Variants in WWP2 observed in about 807,000 individuals in gnomAD.
WWP2 encodes WW domain containing E3 ubiquitin protein ligase 2, also known as NEDD4-like E3 ubiquitin-protein ligase WWP2.
In WWP2, 57 loss-of-function variants were observed where a neutral mutation model predicts 121.0. The observed-to-expected ratio is 0.47, with a 90% CI of 0.38 to 0.59. The LOEUF is 0.59. WWP2 is among the 20% of genes least tolerant of loss of function. The pLI is 0.00. For synonymous variants in WWP2, 449 were observed against 441.3 expected (o/e 1.02, Z -0.22); for missense variants, 962 against 1,158.9 (o/e 0.83, Z 2.47).
intron 6 of WWP2, among the ~76,000 whole-genome samples, chr16:69,868,872 G>A (rs1004531005): frequency 3.3e-5 from 5 of 152,104 alleles, no homozygotes; most frequent in African/African-American, 4.8e-5. Flanking sequence ...CTTTGACTGA[G>A]GTGTGGTTGA....
chr16:69,826,780 C>CA (rs977160252), intron 4 of WWP2, among the ~76,000 whole-genome samples: 10 of 146,434 alleles, frequency 6.8e-5, no homozygotes, highest in African/African-American at 1.8e-4. Flanking sequence ...AATAAAAATA[C>CA]AAAAAAAAAT....
intron 6 of WWP2, among the ~76,000 whole-genome samples, chr16:69,851,955 C>A (rs2057222474): frequency 6.7e-6 from 1 of 149,068 alleles, no homozygotes; most frequent in African/African-American, 2.5e-5. Context: ...TGCACTCCAG[C>A]CTGGCGACAG....
rs1303152564 is a variant in WWP2 at position 69,936,387 on chromosome 16, C to T, written c.2052C>T (p.Thr684=). Residue 684 remains threonine, a synonymous_variant, in exon 19 of 24, where the codon ACC becomes ACT. Coordinates refer to ENST00000359154, the MANE Select transcript of WWP2 (RefSeq NM_001270454.2). ...QDMEILGKVT[T]HELKEGGESI... is the part of the protein sequence containing the mutation. ...TGGAGATACTGGGCAAGGTGACGAC[C>T]CACGAGCTGAAGGAGGGCGGCGAGA... is the stretch of plus-strand genomic sequence containing the variant. 2.5e-6 allele frequency: 4 copies of T among 1,614,016 alleles called. No individual in the cohort carries two copies. Among genetic ancestry groups the T allele is most frequent in the Non-Finnish European group, 3.4e-6 (4 of 1,180,024 alleles).
In WWP2 at chr16:69,896,410, C is replaced by T. The variant is rs1046480320; in HGVS notation, c.914+8161C>T. On this transcript the variant is annotated intron_variant, in intron 8 of 23. Coordinates refer to ENST00000359154, the MANE Select transcript of WWP2 (RefSeq NM_001270454.2). ...TGCTGGGGTTACAGGTGTGAACCAC[C>T]GTGCCCATCCTTACTGCAATTTCTT... is the stretch of plus-strand genomic sequence containing the variant. Among the ~76,000 whole-genome samples, 13 of 152,028 alleles carry T rather than the reference C, an allele frequency of 8.6e-5. No homozygotes were observed. In the East Asian group the frequency reaches 2.5e-3, roughly 29 times the overall value.
rs75943235 is a variant in WWP2 at position 69,941,318 on chromosome 16, C to T, written c.*1378C>T. On this transcript the variant is annotated 3_prime_UTR_variant, in exon 24 of 24. Transcript: ENST00000359154. The stretch of plus-strand genomic sequence containing the variant: ...AGGATTCTAGGACCCCCAGGCAGCC[C>T]CTTGGACTGGTCCCGGGTGCCTTCC... 1,270 of 153,900 alleles carry T rather than the reference C, an allele frequency of 8.3e-3. 25 individuals are homozygous for T. The highest frequency in any genetic ancestry group is 0.029 in the African/African-American group (1,199 of 41,584). The allele number at this position is 153,900 out of a possible 1,614,324, so 9.5% of individuals were successfully genotyped here.
intron 2 of WWP2, among the ~76,000 whole-genome samples, chr16:69,791,503 C>T (rs1597671877): frequency 6.6e-6 from 1 of 152,024 alleles, no homozygotes; most frequent in Admixed American, 6.6e-5. Context: ...GCTGGGATTA[C>T]AGGCGTAAGC....
rs2151989348 is a variant in WWP2, at chr16:69,930,191, C to T, written c.1378C>T (p.Arg460Ter). 2.5e-6 allele frequency: 4 copies of T among 1,613,856 alleles called. No homozygotes were observed. Among genetic ancestry groups the T allele is most frequent in the South Asian group, 1.1e-5 (1 of 91,016 alleles). Residue 460 changes from arginine (R) to a stop codon, truncating the protein, a stop_gained, in exon 13 of 24, where the codon CGA becomes TGA. Transcript: ENST00000359154. LOFTEE classifies it high-confidence loss of function. ...GATGAAATACACCAGCGAGGGGGTG[C>T]GATACTTTGTGGACCACAATACCCG... ...WEMKYTSEGV[R>*]YFVDHNTRTT...
intron 8 of WWP2, among the ~76,000 whole-genome samples, chr16:69,888,668 C>T (rs1056209994): frequency 6.6e-6 from 1 of 151,576 alleles, no homozygotes; most frequent in African/African-American, 2.4e-5. Flanking sequence ...TTCTCATAAT[C>T]GGGACTTAAG....
intron 4 of WWP2, among the ~76,000 whole-genome samples, chr16:69,822,024 A>G (rs2056602404): frequency 6.6e-6 from 1 of 151,792 alleles, no homozygotes; most frequent in African/African-American, 2.4e-5. Flanking sequence ...GCACACCACT[A>G]TGCCCAGCTT....
chr16:69,927,758 A>T (rs1034900413), intron 11 of WWP2, among the ~76,000 whole-genome samples: 5 of 152,252 alleles, frequency 3.3e-5, no homozygotes, highest in African/African-American at 1.2e-4. Context: ...GTGTGTTCTG[A>T]GGTGGTGGTA....
chr16:69,822,300 C>G (rs191564090), intron 4 of WWP2, among the ~76,000 whole-genome samples: 1 of 152,120 alleles, frequency 6.6e-6, no homozygotes, highest in Non-Finnish European at 1.5e-5. Flanking sequence ...CAGGGCCTGA[C>G]GCTGATTTAT....
At chr16:69,817,896 T>G (rs1321819885) in intron 4 of WWP2, among the ~76,000 whole-genome samples, 2 of 151,958 alleles carry the variant, frequency 1.3e-5, no homozygotes, top group African/African-American at 4.8e-5. Flanking sequence ...GTGCCCAGCC[T>G]AAATTCTTGT....
At chr16:69,883,351 T>G (rs2057863799) in intron 7 of WWP2, among the ~76,000 whole-genome samples, 1 of 151,668 alleles carries the variant, frequency 6.6e-6, no homozygotes, top group African/African-American at 2.4e-5. Context: ...TGTGATGGGG[T>G]GGATTGACTC....
intron 7 of WWP2, among the ~76,000 whole-genome samples, chr16:69,876,440 C>A (rs552161300): frequency 6.6e-6 from 1 of 151,546 alleles, no homozygotes; most frequent in Non-Finnish European, 1.5e-5. Flanking sequence ...TCTTGGCTCA[C>A]TATAACCTAC....
chr16:69,907,466 A>G (rs891953743), intron 8 of WWP2, among the ~76,000 whole-genome samples: 2 of 152,378 alleles, frequency 1.3e-5, no homozygotes, highest in African/African-American at 4.8e-5. Context: ...AACTTCTCCT[A>G]GACAGTACCC....
chr16:69,786,904 T>G (rs1327048317), intron 1 of WWP2, 92 bp from the exon 2 acceptor site: 1 of 1,156,474 alleles, frequency 8.6e-7, no homozygotes, highest in Non-Finnish European at 1.2e-6. Flanking sequence ...TTTTCTTGCC[T>G]GTTTCTTTAA....
rs1266853719 is a variant in WWP2, at chr16:69,873,083, C to T, written c.703+1152C>T. 5.3e-5 allele frequency among the ~76,000 whole-genome samples: 8 copies of T among 152,238 alleles called. No individual in the cohort carries two copies. The South Asian group carries it at 1.7e-3, about 32-fold the overall frequency. ...GCAGGTGTTGAAATTTGGTAAGTGA[C>T]GCTGAGATAGTTTTCTAGTGCTCGT... On this transcript the variant is annotated intron_variant, in intron 7 of 23. Transcript: ENST00000359154.
At chr16:69,908,994 T>C in intron 9 of WWP2, 144 bp downstream of exon 9, 1 of 1,463,292 alleles carries the variant, frequency 6.8e-7, no homozygotes, top group Non-Finnish European at 9.0e-7. Flanking sequence ...TCCTATCCAC[T>C]TACCTTAATA....
intron 6 of WWP2, among the ~76,000 whole-genome samples, chr16:69,870,647 A>G (rs1218916459): frequency 6.6e-6 from 1 of 152,204 alleles, no homozygotes; most frequent in East Asian, 1.9e-4. Flanking sequence ...TGCATGGTAC[A>G]AATTGTCTCT....
Sources: allele counts gnomAD v4.1 joint callset (sites outside exome capture counted in the v4.1 genomes callset), GRCh38; gene constraint gnomAD v4.1.1; transcripts MANE v1.5; gene names NCBI Gene and HGNC (gene_info 2026-07-23, HGNC 2026-07-21).